The following LRRC4B variants were observed in gnomAD, a reference collection of about 807,000 sequenced individuals.
LRRC4B encodes leucine rich repeat containing 4B.
A neutral mutation model predicts 7.3 loss-of-function variants in LRRC4B; 1 was observed. The ratio of observed to expected loss-of-function variants is 0.14; its 90% confidence interval spans 0.05 to 0.65. The LOEUF (loss-of-function observed/expected upper bound fraction) is 0.65, where lower values mean the gene tolerates loss of function less well. LRRC4B is among the 30% of genes least tolerant of loss of function. The pLI is 0.84. For synonymous variants in LRRC4B, 500 were observed against 499.2 expected (o/e 1.00, Z -0.02); for missense variants, 730 against 1,041.6 (o/e 0.70, Z 4.12).
In LRRC4B at chr19:50,553,991, CTT is replaced by C. The variant is rs3058937; in HGVS notation, c.-35-5120_-35-5119del. ...GGAGGCCTGCTGGCAGAGGCAGCAC[CTT>C]TTTTTTTTTTTTTTTTTTGAGACAG... On this transcript the variant is annotated intron_variant, in intron 1 of 2. Transcript: ENST00000652263. This position sits in a 1 kb window ranked among gnomAD's most constrained non-coding sequence, Gnocchi z 4.2. 6.3e-5 allele frequency among the ~76,000 whole-genome samples: 7 copies of C among 111,770 alleles called. No homozygotes were observed. The highest frequency in any genetic ancestry group is 3.5e-5 in the African/African-American group (1 of 28,238). 73.3% of individuals were successfully genotyped at this position (111,770 alleles called of 152,430 possible).
chr19:50,527,546 A>G (rs1980865746), intron 2 of LRRC4B, among the ~76,000 whole-genome samples: 1 of 151,824 alleles, frequency 6.6e-6, no homozygotes, highest in Admixed American at 6.6e-5. Flanking sequence ...ATTTCCCCTT[A>G]ATAACATTGT....
At chr19:50,529,860 G>C (rs535550745) in intron 2 of LRRC4B, among the ~76,000 whole-genome samples, 1 of 152,194 alleles carries the variant, frequency 6.6e-6, no homozygotes, top group African/African-American at 2.4e-5. Context: ...GCTGTCAAGA[G>C]CCCCCTGGAA....
rs762275492 is a variant in LRRC4B, at chr19:50,518,687, C to T, written c.1026G>A (p.Ala342=). 8 of 1,613,686 alleles carry T rather than the reference C, an allele frequency of 5.0e-6. No individual in the cohort carries two copies. The East Asian group carries it at 1.8e-4, about 36-fold the overall frequency. ...SNTTCCARCH[A]PAGLKGRYIG... ...TGTAGCGCCCCTTGAGGCCGGCGGGCGCATGACAGCGGGCGCAGCACGTCG... is the reference window on the plus strand; with the variant it reads ...TGTAGCGCCCCTTGAGGCCGGCGGGTGCATGACAGCGGGCGCAGCACGTCG... The change falls in exon 3 of 3, where the codon GCG becomes GCA. Residue 342 remains alanine (A), a synonymous_variant. Coordinates refer to ENST00000652263, the MANE Select transcript of LRRC4B (RefSeq NM_001080457.2).
chr19:50,552,551 T>G (rs924891035), intron 1 of LRRC4B, among the ~76,000 whole-genome samples: 1 of 151,526 alleles, frequency 6.6e-6, no homozygotes. Context: ...CGCCCATCCA[T>G]CCGTCCATCC....
intron 1 of LRRC4B, among the ~76,000 whole-genome samples, chr19:50,552,829 A>G (rs1982147988): frequency 6.6e-6 from 1 of 152,142 alleles, no homozygotes; most frequent in African/African-American, 2.4e-5. Context: ...ATGTCTACCC[A>G]GTCCCTGCTA....
chr19:50,525,750 A>G (rs1483633212), intron 2 of LRRC4B, among the ~76,000 whole-genome samples: 2 of 151,920 alleles, frequency 1.3e-5, no homozygotes, highest in East Asian at 3.9e-4. Flanking sequence ...TTTCCCGCAG[A>G]AAATCAGGGC....
chr19:50,537,809 C>T lies in LRRC4B; in HGVS notation c.297+10733G>A, dbSNP rs1170175216. On this transcript the variant is annotated intron_variant, in intron 2 of 2. Transcript: ENST00000652263. The surrounding 1 kb of genome is among the most constrained non-coding windows in gnomAD (Gnocchi z 5.5). The stretch of plus-strand genomic sequence containing the variant: ...GTGGTGACAAGGATTATGTGGGCCC[C>T]GAGATGGCGCTGCTGAGGGAATGAA... Among the ~76,000 whole-genome samples the T allele has an allele frequency of 6.6e-6, 1 of 152,096 alleles. No homozygotes were observed. The highest frequency in any genetic ancestry group is 1.5e-5 in the Non-Finnish European group (1 of 68,020).
rs912993566 is a variant in LRRC4B at position 50,537,739 on chromosome 19, A to C, written c.297+10803T>G. On this transcript the variant is annotated intron_variant, in intron 2 of 2. Coordinates refer to ENST00000652263, the MANE Select transcript of LRRC4B (RefSeq NM_001080457.2). The surrounding 1 kb of genome is among the most constrained non-coding windows in gnomAD (Gnocchi z 5.5). The stretch of plus-strand genomic sequence containing the variant: ...GAAAAAGTTAAGAAGAAACTGACAA[A>C]GTATGGGAAATCCTATTTGAAAAGG... 1.3e-4 allele frequency among the ~76,000 whole-genome samples: 20 copies of C among 152,118 alleles called. No homozygotes were observed. The highest frequency in any genetic ancestry group is 1.2e-3 in the Admixed American group (18 of 15,280).
chr19:50,543,391 A>T (rs1453907117), intron 2 of LRRC4B, among the ~76,000 whole-genome samples: 1 of 148,326 alleles, frequency 6.7e-6, no homozygotes, highest in East Asian at 2.0e-4. Flanking sequence ...GGAGAAGTAC[A>T]CTCAAATGAG....
At chr19:50,558,228 T>TACACAC (rs879380503) in intron 1 of LRRC4B, among the ~76,000 whole-genome samples, 3 of 76,708 alleles carry the variant, frequency 3.9e-5, no homozygotes, top group African/African-American at 1.5e-4. Flanking sequence ...CACACACACA[T>TACACAC]ACACACACAC....
chr19:50,552,598 A>ATCTG (rs1439375838), intron 1 of LRRC4B, among the ~76,000 whole-genome samples: 60 of 109,286 alleles, frequency 5.5e-4, no homozygotes, highest in Admixed American at 4.7e-3. Flanking sequence ...CTGTCCATCC[A>ATCTG]TCCATCCATC....
Position 50,519,477 on chromosome 19 carries a change from C to G in LRRC4B, c.298-62G>C, listed in dbSNP as rs1039759966. ...CTGACGGGGACCGTGGGGGGATCAC[C>G]AAGGTCCCGGGCGCAGGTGGGGCCG... On this transcript the variant is annotated intron_variant, in intron 2 of 2. Transcript: ENST00000652263. The surrounding 1 kb of genome is among the most constrained non-coding windows in gnomAD (Gnocchi z 8.1). The G allele has an allele frequency of 6.5e-5, 96 of 1,473,440 alleles. No homozygotes were observed. In the African/African-American group the frequency reaches 1.2e-3, roughly 19 times the overall value. 91.3% of individuals were successfully genotyped at this position (1,473,440 alleles called of 1,614,324 possible).
intron 2 of LRRC4B, among the ~76,000 whole-genome samples, chr19:50,531,053 T>C (rs543581404): frequency 6.6e-6 from 1 of 151,864 alleles, no homozygotes; most frequent in Admixed American, 6.6e-5. Context: ...CAGCCTAGGC[T>C]CACTTTTCAG....
Position 50,518,279 on chromosome 19 carries a change from T to A in LRRC4B, c.1434A>T (p.Gly478=). The change falls in exon 3 of 3, where the codon GGA becomes GGT. Residue 478 remains glycine, a synonymous_variant. Coordinates refer to ENST00000652263, the MANE Select transcript of LRRC4B (RefSeq NM_001080457.2). Reference sequence around the variant, plus strand: ...AGTAGGTGTAGCCGCCACTGCCCCCTCCAACACCACCACTGCCCCCAGGGC... The same window carrying A: ...AGTAGGTGTAGCCGCCACTGCCCCCACCAACACCACCACTGCCCCCAGGGC... The part of the protein sequence containing the change: ...GGGPGGSGGV[G]GGSGGYTYFT... 1 of 1,598,614 alleles carries A rather than the reference T, an allele frequency of 6.3e-7. No homozygotes were observed. Among genetic ancestry groups the A allele is most frequent in the Non-Finnish European group, 8.5e-7 (1 of 1,173,252 alleles).
intron 1 of LRRC4B, among the ~76,000 whole-genome samples, chr19:50,561,814 G>T (rs894031774): frequency 1.3e-5 from 2 of 150,498 alleles, no homozygotes; most frequent in Non-Finnish European, 3.0e-5. Flanking sequence ...ACAATTTTAT[G>T]GCCGAGTGCA....
chr19:50,518,020 G>A lies in LRRC4B; in HGVS notation c.1693C>T (p.Leu565Phe), dbSNP rs774827944. ...VPITDVTENA[L>F]KDLDDVMKTT... The stretch of plus-strand genomic sequence containing the variant: ...TTCATGACGTCGTCCAGGTCCTTGA[G>A]GGCGTTCTCCGTCACATCCGTGATG... Residue 565 changes from leucine (L) to phenylalanine (F), a missense_variant, in exon 3 of 3, where the codon CTC becomes TTC. Physicochemically the swap from Leu to Phe is conservative, Grantham distance 22 (BLOSUM62 0). This residue lies in a region of LRRC4B where 192 missense variants were observed against 228.6 expected (regional missense o/e 0.84). Coordinates refer to ENST00000652263, the MANE Select transcript of LRRC4B (RefSeq NM_001080457.2). 12 of 1,550,626 alleles carry A rather than the reference G, an allele frequency of 7.7e-6. No homozygotes were observed. The highest frequency in any genetic ancestry group is 9.5e-6 in the Non-Finnish European group (11 of 1,152,080).
intron 2 of LRRC4B, among the ~76,000 whole-genome samples, chr19:50,522,184 A>G: frequency 6.6e-6 from 1 of 152,108 alleles, no homozygotes; most frequent in East Asian, 1.9e-4. Context: ...TCCCCAAAAT[A>G]AATAAATAAA....
In LRRC4B at chr19:50,522,459, ATTATTTATTTAT is replaced by A. The variant is rs71332009; in HGVS notation, c.298-3056_298-3045del. ...GAACTCATGTGAAGCTATTTTATTT[ATTATTTATTTAT>A]TTATTTATTTATTTATTTATTTTGA... On this transcript the variant is annotated intron_variant, in intron 2 of 2. Coordinates refer to ENST00000652263, the MANE Select transcript of LRRC4B (RefSeq NM_001080457.2). Among the ~76,000 whole-genome samples the A allele has an allele frequency of 9.4e-3, 1,388 of 147,170 alleles. 26 individuals carry two copies. Among genetic ancestry groups the A allele is most frequent in the African/African-American group, 0.033 (1,327 of 40,084 alleles).
intron 1 of LRRC4B, among the ~76,000 whole-genome samples, chr19:50,565,757 CCT>C (rs1982609330): frequency 2.0e-5 from 3 of 152,028 alleles, no homozygotes; most frequent in Admixed American, 2.0e-4. Flanking sequence ...TCCCACCCTC[CCT>C]GAGTCTGTGG....
Sources: allele counts gnomAD v4.1 joint callset (sites outside exome capture counted in the v4.1 genomes callset), GRCh38; gene constraint gnomAD v4.1.1; regional missense constraint gnomAD v4.1.1; non-coding constraint Gnocchi (gnomAD v3.1); transcripts MANE v1.5; gene names NCBI Gene and HGNC (gene_info 2026-07-23, HGNC 2026-07-21).